UPRT: variants seen among roughly 807,000 people sequenced by gnomAD.
UPRT encodes the protein RP11-311P8.3.
UPRT carries 5 observed loss-of-function variants against 22.6 expected under a neutral mutation model. The observed-to-expected ratio is 0.22, with a 90% confidence interval of 0.12 to 0.47. The LOEUF is 0.47. Ranked by LOEUF, UPRT falls within the 20% of genes least tolerant of loss-of-function variation. UPRT has a pLI of 0.99. For missense variants in UPRT, 181 were observed against 239.9 expected (o/e 0.75, Z 1.62); for synonymous variants, 77 against 87.7 (o/e 0.88, Z 0.68).
intron 2 of UPRT, among the ~76,000 whole-genome samples, chrX:75,161,907 A>G (rs1474184580): frequency 9.0e-6 from 1 of 111,202 alleles, no homozygotes; most frequent in African/African-American, 3.3e-5. Context: ...GGGCAATCCT[A>G]TGTATTATAA....
intron 4 of UPRT, among the ~76,000 whole-genome samples, chrX:75,258,980 G>A (rs1351251229): frequency 9.0e-6 from 1 of 111,577 alleles, no homozygotes; most frequent in Non-Finnish European, 1.9e-5. Context: ...AGGCAAACAG[G>A]GTCTGGAGTG....
At chrX:75,262,565 C>G (rs2082572468) in intron 4 of UPRT, among the ~76,000 whole-genome samples, 1 of 111,093 alleles carries the variant, frequency 9.0e-6, no homozygotes. Flanking sequence ...CACACAAAGG[C>G]TCAAAATAAA....
chrX:75,234,780 C>T (rs2147646134), intron 4 of UPRT, among the ~76,000 whole-genome samples: 1 of 110,626 alleles, frequency 9.0e-6, no homozygotes, highest in East Asian at 2.8e-4. Flanking sequence ...GGGACACATT[C>T]AAAGCAGTGT....
chrX:75,268,928 GA>G (rs2082599137), intron 4 of UPRT, among the ~76,000 whole-genome samples: 1 of 111,659 alleles, frequency 9.0e-6, no homozygotes, highest in African/African-American at 3.3e-5. Flanking sequence ...GCAAGAGAAA[GA>G]AATAAAGGGT....
chrX:75,256,237 A>T (rs896650559), intron 4 of UPRT, among the ~76,000 whole-genome samples: 8 of 112,034 alleles, frequency 7.1e-5, no homozygotes, highest in Non-Finnish European at 1.5e-4. Context: ...AAATACATGA[A>T]AATTAAATAA....
At chrX:75,199,695 G>T (rs1394993040) in intron 4 of UPRT, among the ~76,000 whole-genome samples, 1 of 111,034 alleles carries the variant, frequency 9.0e-6, no homozygotes, top group Non-Finnish European at 1.9e-5. Context: ...CAGCCACAGG[G>T]GTGTAGAGCA....
intron 4 of UPRT, among the ~76,000 whole-genome samples, chrX:75,211,859 C>A (rs905234724): frequency 3.6e-5 from 4 of 111,632 alleles, no homozygotes; most frequent in Non-Finnish European, 5.7e-5. Context: ...ACCAGTATAT[C>A]GCAAAAACCT....
intron 1 of UPRT, among the ~76,000 whole-genome samples, chrX:75,276,935 A>G (rs1050084271): frequency 9.0e-6 from 1 of 111,274 alleles, no homozygotes. Flanking sequence ...TCTACTTTCT[A>G]TTTCTAATGG....
intron 4 of UPRT, among the ~76,000 whole-genome samples, chrX:75,243,356 T>C (rs2082494253): frequency 9.0e-6 from 1 of 111,278 alleles, no homozygotes; most frequent in African/African-American, 3.3e-5. Context: ...TAAAGAAAAC[T>C]GGATTTAGAG....
chrX:75,283,113 C>G (rs1427501222), intron 1 of UPRT, among the ~76,000 whole-genome samples: 1 of 112,021 alleles, frequency 8.9e-6, no homozygotes, highest in Non-Finnish European at 1.9e-5. Flanking sequence ...GTTTTGGTGT[C>G]CATTTGCATG....
chrX:75,294,209 A>G (rs1245755535), intron 2 of UPRT, among the ~76,000 whole-genome samples: 2 of 111,248 alleles, frequency 1.8e-5, no homozygotes, highest in Non-Finnish European at 3.8e-5. Flanking sequence ...AAAATACATT[A>G]CATTCAGGAA....
chrX:75,246,808 G>C (rs1353137872), intron 4 of UPRT, among the ~76,000 whole-genome samples: 1 of 111,853 alleles, frequency 8.9e-6, no homozygotes, highest in Non-Finnish European at 1.9e-5. Flanking sequence ...ACTGGTGTGA[G>C]ATGGTATCTC....
intron 4 of UPRT, among the ~76,000 whole-genome samples, chrX:75,264,580 A>T (rs1365966276): frequency 7.2e-5 from 8 of 111,517 alleles, no homozygotes; most frequent in African/African-American, 2.3e-4. Flanking sequence ...TGCTTGGTAG[A>T]ACTTCCTCCA....
intron 4 of UPRT, among the ~76,000 whole-genome samples, chrX:75,207,609 C>T (rs912316306): frequency 1.8e-5 from 2 of 111,357 alleles, no homozygotes; most frequent in African/African-American, 6.5e-5. Flanking sequence ...AAGGCATGCA[C>T]CTGCTGTAAA....
chrX:75,254,118 A>G (rs925696675), intron 4 of UPRT, among the ~76,000 whole-genome samples: 1 of 111,727 alleles, frequency 9.0e-6, no homozygotes, highest in Non-Finnish European at 1.9e-5. Context: ...AAGTAGGGGA[A>G]AAAGGAAAGC....
At chrX:75,163,861 T>C (rs2082206576) in intron 3 of UPRT, among the ~76,000 whole-genome samples, 1 of 111,521 alleles carries the variant, frequency 9.0e-6, no homozygotes, top group Non-Finnish European at 1.9e-5. Flanking sequence ...TACATTCTCA[T>C]GAATGAACTA....
intron 4 of UPRT, among the ~76,000 whole-genome samples, chrX:75,189,041 C>A (rs1011656886): frequency 1.8e-5 from 2 of 111,887 alleles, no homozygotes; most frequent in Non-Finnish European, 3.8e-5. Flanking sequence ...TGGCTCCTCC[C>A]CCCGCTTCTC....
intron 1 of UPRT, among the ~76,000 whole-genome samples, chrX:75,288,346 T>A (rs906813173): frequency 1.8e-5 from 2 of 111,558 alleles, no homozygotes; most frequent in Non-Finnish European, 3.8e-5. Context: ...GAATCCAGCA[T>A]CACCCTGATA....
At chrX:75,226,155 C>A (rs898236200) in intron 4 of UPRT, among the ~76,000 whole-genome samples, 5 of 111,216 alleles carry the variant, frequency 4.5e-5, no homozygotes, top group African/African-American at 1.3e-4. Context: ...ATGCAATCTA[C>A]CAGCAAAATT....
Sources: gnomAD v4.1 joint callset for allele counts (sites outside exome capture counted in the v4.1 genomes callset) on GRCh38, gnomAD v4.1.1 for gene constraint, MANE v1.5 for transcripts, NCBI Gene and HGNC (gene_info 2026-07-23, HGNC 2026-07-21) for gene names.